PSEN1: variants seen among roughly 807,000 people sequenced by gnomAD.
PSEN1 encodes the protein presenilin 1, also known as presenilin-1.
A neutral mutation model predicts 53.5 loss-of-function variants in PSEN1; 15 were observed. The observed-to-expected ratio is 0.28, with a 90% CI of 0.19 to 0.43. The LOEUF is 0.43. PSEN1 is among the 20% of genes least tolerant of loss of function. The pLI, the probability that PSEN1 is intolerant of heterozygous loss-of-function variation, is 1.00. For missense variants in PSEN1, 387 were observed against 571.2 expected (o/e 0.68, Z 3.29); for synonymous variants, 208 against 209.8 (o/e 0.99, Z 0.08).
intron 9 of PSEN1, chr14:73,208,713 G>A (rs945770829): frequency 7.9e-5 from 31 of 390,472 alleles, no homozygotes; most frequent in African/African-American, 5.6e-4. Flanking sequence ...CCCAGAAAAT[G>A]CACCATAAGT....
intron 5 of PSEN1, among the ~76,000 whole-genome samples, chr14:73,181,799 T>C (rs1168009738): frequency 6.6e-6 from 1 of 152,046 alleles, no homozygotes; most frequent in East Asian, 1.9e-4. Context: ...TTTGAGACAA[T>C]GTCTCACTTT....
At position 73,170,909 on chromosome 14, in the gene PSEN1, AG is replaced by A; in HGVS notation, c.202del (p.Glu68LysfsTer6). Reference sequence around the variant, plus strand: ...TCCCGGCAGGTGGTGGAGCAAGATGAGGAAGAAGATGAGGAGCTGACATTGA... The same window carrying A: ...TCCCGGCAGGTGGTGGAGCAAGATGAGAAGAAGATGAGGAGCTGACATTGA... Reference protein sequence around the residue: ...GNSRQVVEQDEEEDEELTLKY... With the variant: ...GNSRQVVEQDXEEDEELTLKY... On this transcript the variant is annotated frameshift_variant, in exon 4 of 12. Coordinates refer to ENST00000324501, the MANE Select transcript of PSEN1 (RefSeq NM_000021.4). LOFTEE classifies it high-confidence loss of function. 1 of 1,614,244 alleles carries A rather than the reference AG, an allele frequency of 6.2e-7. No individual in the cohort carries two copies. The highest frequency in any genetic ancestry group is 8.5e-7 in the Non-Finnish European group (1 of 1,180,042).
intron 9 of PSEN1, among the ~76,000 whole-genome samples, chr14:73,211,324 G>GC (rs1899668675): frequency 6.6e-6 from 1 of 152,172 alleles, no homozygotes; most frequent in African/African-American, 2.4e-5. Context: ...ATCATGTCTA[G>GC]ATAAGGCAAC....
At chr14:73,154,635 T>C (rs1897308751) in intron 3 of PSEN1, among the ~76,000 whole-genome samples, 1 of 152,072 alleles carries the variant, frequency 6.6e-6, no homozygotes, top group African/African-American at 2.4e-5. Flanking sequence ...AAAACTGCCA[T>C]GAACAAAGTC....
chr14:73,138,983 A>T (rs1274608827), intron 1 of PSEN1, among the ~76,000 whole-genome samples: 1 of 143,778 alleles, frequency 7.0e-6, no homozygotes. Context: ...AAGAAAAAAA[A>T]TGTAAAAAGA....
chr14:73,204,494 G>C (rs538412782), intron 8 of PSEN1, among the ~76,000 whole-genome samples: 1 of 148,288 alleles, frequency 6.7e-6, no homozygotes, highest in Non-Finnish European at 1.5e-5. Context: ...GCTTGTTTTT[G>C]TACAGCTTAT....
At chr14:73,196,160 G>A (rs1898929971) in intron 7 of PSEN1, among the ~76,000 whole-genome samples, 1 of 152,058 alleles carries the variant, frequency 6.6e-6, no homozygotes, top group South Asian at 2.1e-4. Flanking sequence ...AATTTTCAAA[G>A]CAAAAGCAAT....
At chr14:73,184,355 T>C (rs1299633028) in intron 5 of PSEN1, among the ~76,000 whole-genome samples, 1 of 89,786 alleles carries the variant, frequency 1.1e-5, no homozygotes, top group African/African-American at 5.2e-5. Flanking sequence ...GAGGCGCCCC[T>C]CACCTCCCGG....
intron 1 of PSEN1, among the ~76,000 whole-genome samples, chr14:73,140,202 C>CTTTTT (rs35223948): frequency 6.8e-5 from 5 of 73,040 alleles, no homozygotes; most frequent in Non-Finnish European, 7.5e-5. Flanking sequence ...TTTTGCTATT[C>CTTTTT]TTTTTTTTTT....
chr14:73,151,119 G>T (rs1485687374), intron 3 of PSEN1, among the ~76,000 whole-genome samples: 2 of 152,046 alleles, frequency 1.3e-5, no homozygotes, highest in African/African-American at 4.8e-5. Flanking sequence ...AAGTTGAAGA[G>T]AATTTCCACA....
chr14:73,147,156 T>G (rs534479670), intron 1 of PSEN1, among the ~76,000 whole-genome samples: 2 of 152,262 alleles, frequency 1.3e-5, no homozygotes, highest in Non-Finnish European at 2.9e-5. Context: ...CGGCTAATTT[T>G]TGTATTTTTA....
chr14:73,217,334 A>C, intron 11 of PSEN1, 90 bp downstream of exon 11: 1 of 1,458,634 alleles, frequency 6.9e-7, no homozygotes, highest in Non-Finnish European at 9.6e-7. Context: ...TTTTAACCCC[A>C]GGTGGGTTAA....
chr14:73,196,474 ATTTTT>A (rs35294154), intron 7 of PSEN1, among the ~76,000 whole-genome samples: 1 of 102,280 alleles, frequency 9.8e-6, no homozygotes, highest in East Asian at 2.7e-4. Flanking sequence ...GAGGCATGAA[ATTTTT>A]TTTTTTTTTT....
intron 8 of PSEN1, among the ~76,000 whole-genome samples, chr14:73,202,418 CTATATATATATATATATATATATA>C (rs1248311168): frequency 0.12 from 3,293 of 27,212 alleles, 233 homozygotes; most frequent in South Asian, 0.22. Context: ...CTATCACATA[CTATATATATATATATATATATATA>C]TATATATATA....
chr14:73,217,283 T>C (rs1275731092), intron 11 of PSEN1, 39 bp downstream of exon 11: 1 of 1,611,216 alleles, frequency 6.2e-7, no homozygotes, highest in South Asian at 1.1e-5. Context: ...GAGCTCTTAA[T>C]GTCAAAACTT....
intron 5 of PSEN1, 33 bp from the exon 6 acceptor site, chr14:73,186,820 C>A: frequency 6.5e-7 from 1 of 1,535,102 alleles, no homozygotes; most frequent in East Asian, 2.2e-5. Flanking sequence ...GTTGTGGGAC[C>A]TGTTAATTAT....
intron 5 of PSEN1, among the ~76,000 whole-genome samples, chr14:73,185,156 A>G (rs1898450397): frequency 6.7e-6 from 1 of 148,152 alleles, no homozygotes; most frequent in East Asian, 2.0e-4. Flanking sequence ...CTCACATCCC[A>G]GATGATGGGC....
At chr14:73,216,031 C>T (rs1265244217) in intron 10 of PSEN1, among the ~76,000 whole-genome samples, 1 of 152,028 alleles carries the variant, frequency 6.6e-6, no homozygotes, top group Non-Finnish European at 1.5e-5. Flanking sequence ...AGAATAGCCC[C>T]AAATTGAAAA....
chr14:73,148,629 A>G lies in PSEN1; in HGVS notation c.87+523A>G, dbSNP rs137926268. Among the ~76,000 whole-genome samples, 653 of 152,286 alleles carry G rather than the reference A, an allele frequency of 4.3e-3. 10 individuals carry two copies. The highest frequency in any genetic ancestry group is 0.015 in the African/African-American group (627 of 41,564). On this transcript the variant is annotated intron_variant, in intron 3 of 11. Transcript: ENST00000324501. Reference sequence around the variant, plus strand: ...AATTTGACTGCAACTCTACTAGCTAATCATCATAAAGTGAGAGCAGAGGCC... The same window carrying G: ...AATTTGACTGCAACTCTACTAGCTAGTCATCATAAAGTGAGAGCAGAGGCC...
Sources: allele counts gnomAD v4.1 joint callset (sites outside exome capture counted in the v4.1 genomes callset), GRCh38; gene constraint gnomAD v4.1.1; transcripts MANE v1.5; gene names NCBI Gene and HGNC (gene_info 2026-07-23, HGNC 2026-07-21).